The following SEMA3A variants were observed in gnomAD, a reference collection of about 807,000 sequenced individuals.
The protein encoded by SEMA3A is semaphorin 3A.
In SEMA3A, 29 loss-of-function variants were observed where a neutral mutation model predicts 97.9. The observed-to-expected ratio is 0.30, with a 90% CI of 0.22 to 0.40. SEMA3A has a LOEUF of 0.40. Ranked by LOEUF, SEMA3A falls within the 10% of genes least tolerant of loss-of-function variation. SEMA3A has a pLI of 1.00. For synonymous variants in SEMA3A, 321 were observed against 323.7 expected, an observed-to-expected ratio of 0.99 and a Z score of 0.09; for missense variants, 763 against 951.3, an observed-to-expected ratio of 0.80 and a Z score of 2.60.
chr7:84,340,321 TA>T (rs1802133059), intron 2 of SEMA3A, among the ~76,000 whole-genome samples: 1 of 152,162 alleles, frequency 6.6e-6, no homozygotes, highest in African/African-American at 2.4e-5. Context: ...AATTAAAAGA[TA>T]TTTTTCAACT....
At chr7:84,220,408 T>C (rs1161035935) in intron 3 of SEMA3A, among the ~76,000 whole-genome samples, 2 of 152,190 alleles carry the variant, frequency 1.3e-5, no homozygotes, top group Admixed American at 6.5e-5. Context: ...TGTGGATATT[T>C]TGACCTCACC....
At chr7:84,292,230 T>C (rs1800765837) in intron 3 of SEMA3A, among the ~76,000 whole-genome samples, 1 of 152,098 alleles carries the variant, frequency 6.6e-6, no homozygotes, top group Non-Finnish European at 1.5e-5. Context: ...CCACTGCAGC[T>C]GTGAAGATAA....
chr7:84,054,021 A>G (rs868849693), intron 5 of SEMA3A, among the ~76,000 whole-genome samples: 131 of 151,808 alleles, frequency 8.6e-4, no homozygotes, highest in African/African-American at 3.0e-3. Flanking sequence ...TCTTTTCTTT[A>G]AGAATGTTGA....
intron 1 of SEMA3A, among the ~76,000 whole-genome samples, chr7:84,374,988 GA>G (rs1803062629): frequency 6.6e-6 from 1 of 152,082 alleles, no homozygotes; most frequent in Non-Finnish European, 1.5e-5. Context: ...GTACTTCAAA[GA>G]GACTGTTTCA....
At chr7:84,180,102 A>G (rs946360013) in intron 1 of SEMA3A, among the ~76,000 whole-genome samples, 1 of 149,254 alleles carries the variant, frequency 6.7e-6, no homozygotes, top group Non-Finnish European at 1.5e-5. Flanking sequence ...ATGTGCCACC[A>G]TGCCCGGCTG....
At chr7:84,239,013 G>A (rs944000300) in intron 3 of SEMA3A, among the ~76,000 whole-genome samples, 12 of 151,772 alleles carry the variant, frequency 7.9e-5, no homozygotes, top group African/African-American at 2.9e-4. Context: ...CACCATGCCC[G>A]GCCAAAAACT....
At chr7:84,132,676 T>G (rs1461426265) in intron 2 of SEMA3A, among the ~76,000 whole-genome samples, 3 of 132,486 alleles carry the variant, frequency 2.3e-5, no homozygotes, top group Admixed American at 7.8e-5. Flanking sequence ...TTTTTTTTTT[T>G]TTTTTTTTTT....
chr7:84,403,445 C>T (rs1047305098), intron 1 of SEMA3A, among the ~76,000 whole-genome samples: 1 of 152,204 alleles, frequency 6.6e-6, no homozygotes, highest in Non-Finnish European at 1.5e-5. Flanking sequence ...AGGCCTGCTG[C>T]CTCTGTAGGC....
Position 83,961,259 on chromosome 7 carries a change from T to C in SEMA3A, c.*112A>G. 1 of 845,394 alleles carries C rather than the reference T, an allele frequency of 1.2e-6. No homozygotes were observed. The highest frequency in any genetic ancestry group is 1.9e-6 in the Non-Finnish European group (1 of 516,716). The allele number at this position is 845,394 out of a possible 1,614,324, so 52.4% of individuals were successfully genotyped here. ...TGGAACTCAGCTGAATTTCCCACCA[T>C]TGTAAACATCCACATAATGCCATGA... On this transcript the variant is annotated 3_prime_UTR_variant, in exon 17 of 17. Transcript: ENST00000265362.
At chr7:84,144,959 T>C (rs1459982264) in intron 1 of SEMA3A, among the ~76,000 whole-genome samples, 1 of 152,144 alleles carries the variant, frequency 6.6e-6, no homozygotes. Flanking sequence ...ACCAATAGAG[T>C]GTGCATAAGT....
intron 3 of SEMA3A, among the ~76,000 whole-genome samples, chr7:84,200,788 GT>G (rs1202208904): frequency 2.3e-5 from 3 of 129,600 alleles, no homozygotes; most frequent in Non-Finnish European, 4.9e-5. Context: ...AAATACCTGG[GT>G]TTTTTTTCCT....
intron 12 of SEMA3A, among the ~76,000 whole-genome samples, chr7:83,999,265 A>T (rs149940683): frequency 4.3e-4 from 66 of 152,268 alleles, no homozygotes; most frequent in Non-Finnish European, 1.3e-4. Context: ...TTAGTAGGTC[A>T]GTTTAAATTG....
At chr7:84,030,403 T>C (rs905762156) in intron 6 of SEMA3A, among the ~76,000 whole-genome samples, 2 of 152,200 alleles carry the variant, frequency 1.3e-5, no homozygotes, top group Non-Finnish European at 2.9e-5. Context: ...CTCTGCTTTA[T>C]GAAATGAGAT....
At chr7:84,016,626 T>C (rs1791117399) in intron 6 of SEMA3A, among the ~76,000 whole-genome samples, 1 of 152,090 alleles carries the variant, frequency 6.6e-6, no homozygotes, top group African/African-American at 2.4e-5. Flanking sequence ...AACAAGACTC[T>C]TCCGTCTCTG....
Position 83,957,728 on chromosome 7 carries a change from T to C in SEMA3A, c.*3643A>G, listed in dbSNP as rs1409326103. ...TGAGATTTTACAGATTTTTGAAAAA[T>C]AATGTTTTCTTCTTTATGGAAACAT... is the stretch of plus-strand genomic sequence containing the variant. On this transcript the variant is annotated 3_prime_UTR_variant, in exon 17 of 17. Coordinates refer to ENST00000265362, the MANE Select transcript of SEMA3A (RefSeq NM_006080.3). 2 of 152,090 alleles carry C rather than the reference T, an allele frequency of 1.3e-5. No homozygotes were observed. Among genetic ancestry groups the C allele is most frequent in the Non-Finnish European group, 1.5e-5 (1 of 67,980 alleles). 9.4% of individuals were successfully genotyped at this position (152,090 alleles called of 1,614,324 possible).
intron 3 of SEMA3A, among the ~76,000 whole-genome samples, chr7:84,125,947 T>C (rs192827281): frequency 6.6e-6 from 1 of 152,290 alleles, no homozygotes; most frequent in African/African-American, 2.4e-5. Context: ...TAGATAAGCA[T>C]GGTTATTACC....
At chr7:84,437,723 G>A (rs1805173468) in intron 1 of SEMA3A, among the ~76,000 whole-genome samples, 1 of 151,810 alleles carries the variant, frequency 6.6e-6, no homozygotes, top group South Asian at 2.1e-4. Flanking sequence ...ATCTTGAAAG[G>A]TGCAGTAATC....
chr7:84,135,024 T>C, intron 1 of SEMA3A, 73 bp from the exon 2 acceptor site: 1 of 1,211,634 alleles, frequency 8.3e-7, no homozygotes, highest in Non-Finnish European at 1.2e-6. Flanking sequence ...TGGTACATGG[T>C]AACCTGACTA....
rs143638494 is a variant in SEMA3A, at chr7:84,324,980, A to C, written c.-168-17688T>G. On this transcript the variant is annotated intron_variant, in intron 2 of 3. Transcript: ENST00000424555. The stretch of plus-strand genomic sequence containing the variant: ...AGACCTTACGTTCAAAAAGAAAGAC[A>C]AAAAGATACTTTATAAAATATGAAG... Among the ~76,000 whole-genome samples, 8 of 152,300 alleles carry C rather than the reference A, an allele frequency of 5.3e-5. No individual in the cohort carries two copies. In the East Asian group the frequency reaches 1.5e-3, roughly 29 times the overall value.
Sources: gnomAD v4.1 joint callset for allele counts (sites outside exome capture counted in the v4.1 genomes callset) on GRCh38, gnomAD v4.1.1 for gene constraint, MANE v1.5 for transcripts, NCBI Gene and HGNC (gene_info 2026-07-23, HGNC 2026-07-21) for gene names.